SENP6: variants seen among roughly 807,000 people sequenced by gnomAD.
SENP6 encodes SUMO specific peptidase 6.
Under a neutral mutation model 134.5 loss-of-function variants are expected in SENP6, and 41 were observed. The observed-to-expected ratio is 0.30, with a 90% confidence interval of 0.24 to 0.40. SENP6 has a LOEUF of 0.40. Ranked by LOEUF, SENP6 falls within the 10% of genes least tolerant of loss-of-function variation. The probability of loss-of-function intolerance (pLI) is 1.00; values close to 1 mark genes in which losing one functional copy is unlikely to be tolerated. For missense variants in SENP6, 1,248 were observed against 1,312.5 expected, an observed-to-expected ratio of 0.95 and a Z score of 0.76; for synonymous variants, 395 against 429.8, an observed-to-expected ratio of 0.92 and a Z score of 1.00.
In SENP6 at chr6:75,647,758, A is replaced by G; in HGVS notation, c.507A>G (p.Lys169=). Residue 169 remains lysine, a synonymous_variant, in exon 7 of 24, where the codon AAA becomes AAG. Transcript: ENST00000447266. The stretch of plus-strand genomic sequence containing the variant: ...AAGAATACCCACCTCATGTCCAAAA[A>G]GTTGAAATTAATCCTGTAAGGTTAA... The part of the protein sequence containing the change: ...ERKEYPPHVQ[K]VEINPVRLSR... 6.2e-7 allele frequency: 1 copy of G among 1,612,766 alleles called. No homozygotes were observed. The highest frequency in any genetic ancestry group is 8.5e-7 in the Non-Finnish European group (1 of 1,179,058).
intron 16 of SENP6, among the ~76,000 whole-genome samples, chr6:75,685,648 C>G (rs76333059): frequency 1.3e-5 from 2 of 152,142 alleles, no homozygotes; most frequent in African/African-American, 4.8e-5. Context: ...GTCTTCATTT[C>G]GTTATTTACC....
chr6:75,617,263 CTTTTTTTTTTTTT>C (rs71002751), intron 1 of SENP6, among the ~76,000 whole-genome samples: 3 of 58,100 alleles, frequency 5.2e-5, no homozygotes, highest in African/African-American at 6.9e-5. Context: ...TTCTTTCTTT[CTTTTTTTTTTTTT>C]TTTTTTTTTT....
At position 75,715,699 on chromosome 6, in the gene SENP6, T is replaced by A. The variant is rs1775991403; in HGVS notation, c.*105T>A. On this transcript the variant is annotated 3_prime_UTR_variant, in exon 24 of 24. Transcript: ENST00000447266. Reference sequence around the variant, plus strand: ...TGCTCACTACTCAGTGATTTGGAAATTTTGATGCTTGTATAAATGTCAGAT... The same window carrying A: ...TGCTCACTACTCAGTGATTTGGAAAATTTGATGCTTGTATAAATGTCAGAT... 1.4e-6 allele frequency: 1 copy of A among 718,730 alleles called. No homozygotes were observed. The highest frequency in any genetic ancestry group is 3.1e-5 in the Admixed American group (1 of 32,148). The allele number at this position is 718,730 out of a possible 1,614,324, so 44.5% of individuals were successfully genotyped here.
intron 3 of SENP6, among the ~76,000 whole-genome samples, chr6:75,627,808 T>G (rs1333867824): frequency 6.6e-6 from 1 of 152,060 alleles, no homozygotes; most frequent in East Asian, 1.9e-4. Context: ...CCTGAGTGAC[T>G]GGGATTACAG....
intron 3 of SENP6, among the ~76,000 whole-genome samples, chr6:75,624,437 C>T (rs1768510862): frequency 4.6e-5 from 7 of 151,896 alleles, no homozygotes. Flanking sequence ...AGAATGAATT[C>T]CTAGAGGTTG....
At chr6:75,678,789 T>G (rs753741154) in intron 15 of SENP6, 22 bp from the exon 16 acceptor site, 4 of 1,465,606 alleles carry the variant, frequency 2.7e-6, no homozygotes, top group Non-Finnish European at 3.8e-6. Context: ...GTTTATTTGC[T>G]TGCCTTCTAA....
chr6:75,638,584 GTGTGTGTATATATA>G (rs1432513468), intron 5 of SENP6, among the ~76,000 whole-genome samples: 28 of 29,934 alleles, frequency 9.4e-4, no homozygotes, highest in East Asian at 3.9e-3. Context: ...GTGTGTGTGT[GTGTGTGTATATATA>G]TATATATATA....
chr6:75,705,925 CTTTTTTTTTTTTTT>C (rs71544062), intron 19 of SENP6, among the ~76,000 whole-genome samples: 6 of 47,942 alleles, frequency 1.3e-4, no homozygotes, highest in African/African-American at 6.5e-4. Flanking sequence ...ATTTTTGAGC[CTTTTTTTTTTTTTT>C]TTTTTTTTTT....
intron 3 of SENP6, among the ~76,000 whole-genome samples, chr6:75,631,375 C>G (rs1463371433): frequency 2.0e-5 from 3 of 152,114 alleles, no homozygotes; most frequent in African/African-American, 7.2e-5. Context: ...GCACAGTGTT[C>G]TAAGTGTTGG....
At chr6:75,642,917 G>A (rs1254370457) in intron 6 of SENP6, among the ~76,000 whole-genome samples, 5 of 152,172 alleles carry the variant, frequency 3.3e-5, no homozygotes, top group Admixed American at 3.3e-4. Context: ...TAGAAAGACA[G>A]AGGTAAAACC....
intron 13 of SENP6, 167 bp from the exon 14 acceptor site, chr6:75,676,863 G>C: frequency 3.7e-6 from 2 of 538,906 alleles, no homozygotes; most frequent in Non-Finnish European, 6.6e-6. Flanking sequence ...ACACATACTG[G>C]TCTTTCCAGT....
At chr6:75,703,401 T>C (rs1045207303) in intron 19 of SENP6, among the ~76,000 whole-genome samples, 5 of 152,218 alleles carry the variant, frequency 3.3e-5, no homozygotes, top group Non-Finnish European at 5.9e-5. Context: ...TTCACTCATT[T>C]AATGAGTGTA....
chr6:75,656,577 A>G (rs1267847130), intron 7 of SENP6, among the ~76,000 whole-genome samples: 1 of 152,172 alleles, frequency 6.6e-6, no homozygotes, highest in Non-Finnish European at 1.5e-5. Context: ...TGAGTTACCA[A>G]ATCTTCTCAA....
chr6:75,707,454 C>G (rs1254095749), intron 19 of SENP6, among the ~76,000 whole-genome samples: 1 of 148,090 alleles, frequency 6.8e-6, no homozygotes, highest in Non-Finnish European at 1.5e-5. Flanking sequence ...GCCGCTACCT[C>G]CTGGACTCAA....
intron 9 of SENP6, 116 bp downstream of exon 9, chr6:75,663,634 A>G (rs1771946786): frequency 1.3e-6 from 1 of 786,830 alleles, no homozygotes; most frequent in Non-Finnish European, 1.9e-6. Flanking sequence ...TGAGCTTAAA[A>G]CTAATCTTGT....
intron 3 of SENP6, among the ~76,000 whole-genome samples, chr6:75,625,582 T>C (rs1019331795): frequency 3.3e-5 from 5 of 152,186 alleles, no homozygotes; most frequent in Admixed American, 6.5e-5. Flanking sequence ...TAATAACTTA[T>C]TTGGGGCTGG....
At chr6:75,685,541 A>G (rs1416579595) in intron 16 of SENP6, among the ~76,000 whole-genome samples, 1 of 152,084 alleles carries the variant, frequency 6.6e-6, no homozygotes, top group East Asian at 1.9e-4. Context: ...ATTTCCCTCT[A>G]CGCACTGCTT....
chr6:75,703,698 G>A (rs544816930), intron 19 of SENP6, among the ~76,000 whole-genome samples: 7 of 152,260 alleles, frequency 4.6e-5, no homozygotes, highest in Admixed American at 2.6e-4. Flanking sequence ...GGGTGCTGAA[G>A]TTGCAGTGAG....
rs189468622 is a variant in SENP6 at position 75,715,674 on chromosome 6, T to G, written c.*80T>G. On this transcript the variant is annotated 3_prime_UTR_variant, in exon 24 of 24. Transcript: ENST00000447266. Reference sequence around the variant, plus strand: ...GGGTATAGACAATAAAGAACTGAAGTGCTCACTACTCAGTGATTTGGAAAT... The same window carrying G: ...GGGTATAGACAATAAAGAACTGAAGGGCTCACTACTCAGTGATTTGGAAAT... 5.2e-6 allele frequency: 5 copies of G among 970,530 alleles called. No homozygotes were observed. The highest frequency in any genetic ancestry group is 6.2e-6 in the Non-Finnish European group (4 of 643,928). 60.1% of individuals were successfully genotyped at this position (970,530 alleles called of 1,614,324 possible).
Sources: allele counts gnomAD v4.1 joint callset (sites outside exome capture counted in the v4.1 genomes callset), GRCh38; gene constraint gnomAD v4.1.1; transcripts MANE v1.5; gene names NCBI Gene and HGNC (gene_info 2026-07-23, HGNC 2026-07-21).